ENOSF1: variants seen among roughly 807,000 people sequenced by gnomAD.
The protein encoded by ENOSF1 is mitochondrial enolase superfamily member 1.
In ENOSF1, 73 loss-of-function variants were observed where a neutral mutation model predicts 68.2. That is an observed-to-expected ratio of 1.07 (90% CI 0.89 to 1.30). The LOEUF is 1.30. Ranked by LOEUF, ENOSF1 falls within the 50% of genes most tolerant of loss-of-function variation. The pLI, the probability that ENOSF1 is intolerant of heterozygous loss-of-function variation, is 0.00. For missense variants in ENOSF1, 589 were observed against 554.5 expected, an observed-to-expected ratio of 1.06 and a Z score of -0.62; for synonymous variants, 223 against 210.4, an observed-to-expected ratio of 1.06 and a Z score of -0.52.
chr18:690,207 G>A (rs114051234), intron 8 of ENOSF1, among the ~76,000 whole-genome samples: 3,105 of 152,178 alleles, frequency 0.02, 148 homozygotes, highest in African/African-American at 0.072. Context: ...AACTCAAAGC[G>A]GGGTTTGTGG....
chr18:677,189 T>C (rs976190890), intron 14 of ENOSF1, among the ~76,000 whole-genome samples, 156 bp downstream of exon 14: 2 of 152,156 alleles, frequency 1.3e-5, no homozygotes, highest in Admixed American at 6.5e-5. Context: ...CATTGGTGGG[T>C]CTCTGTGAAA....
intron 11 of ENOSF1, among the ~76,000 whole-genome samples, chr18:679,165 T>C (rs2075821749): frequency 6.6e-6 from 1 of 151,950 alleles, no homozygotes; most frequent in African/African-American, 2.4e-5. Flanking sequence ...AATTCCCTTC[T>C]TCTTGCCTCC....
downstream of ENOSF1, among the ~76,000 whole-genome samples, chr18:667,547 T>C (rs868287199): frequency 7.0e-4 from 31 of 44,202 alleles, 9 homozygotes; most frequent in African/African-American, 5.9e-3. Flanking sequence ...ATGGTGATGG[T>C]GATGGAGATG....
intron 5 of ENOSF1, chr18:692,890 GCA>G (rs2077346330): frequency 1.8e-6 from 2 of 1,112,860 alleles, no homozygotes; most frequent in Non-Finnish European, 2.2e-6. Flanking sequence ...CGGAGGAGGA[GCA>G]GTCTCCTGCC....
At chr18:669,430 C>T (rs539202289), downstream of ENOSF1, 8 of 328,314 alleles carry the variant, frequency 2.4e-5, no homozygotes, top group African/African-American at 4.7e-5. Flanking sequence ...TGGAATGCAA[C>T]GGCGTGATCT....
chr18:687,986 G>A (rs922859622), intron 9 of ENOSF1: 1 of 153,316 alleles, frequency 6.5e-6, no homozygotes, highest in Admixed American at 6.5e-5. Flanking sequence ...GATCAACATA[G>A]CGAAACCCTG....
At chr18:685,207 T>C (rs951003770) in intron 10 of ENOSF1, among the ~76,000 whole-genome samples, 2 of 152,026 alleles carry the variant, frequency 1.3e-5, no homozygotes, top group African/African-American at 4.8e-5. Context: ...GGTTTTTCCA[T>C]GTTGCCAGGC....
intron 10 of ENOSF1, among the ~76,000 whole-genome samples, chr18:684,686 T>TC (rs1243661718): frequency 3.8e-4 from 58 of 152,288 alleles, no homozygotes; most frequent in Non-Finnish European, 2.9e-5. Context: ...GCCCTGGCTC[T>TC]CTGTGTACCA....
chr18:692,774 A>G lies in ENOSF1; in HGVS notation c.423+1108T>C. 3.0e-6 allele frequency: 3 copies of G among 1,000,098 alleles called. No individual in the cohort carries two copies. The South Asian group carries it at 1.3e-4, about 43-fold the overall frequency. 62.0% of individuals were successfully genotyped at this position (1,000,098 alleles called of 1,614,324 possible). On this transcript the variant is annotated intron_variant, in intron 5 of 15. Coordinates refer to ENST00000647584, the MANE Select transcript of ENOSF1 (RefSeq NM_017512.7). ...CCATCCCCGTAAAACGCCAACCTTGAATCTAGAAGGGGGCTCAAGAGCTCT... is the reference window on the plus strand; with the variant it reads ...CCATCCCCGTAAAACGCCAACCTTGGATCTAGAAGGGGGCTCAAGAGCTCT...
chr18:693,159 C>A, intron 5 of ENOSF1: 2 of 1,289,144 alleles, frequency 1.6e-6, no homozygotes, highest in Non-Finnish European at 1.0e-6. Context: ...TCCTCCTCAG[C>A]ATCCAGTTGT....
At chr18:691,335 G>GTTT in intron 5 of ENOSF1, 59 bp from the exon 6 acceptor site, 1 of 1,432,102 alleles carries the variant, frequency 7.0e-7, no homozygotes, top group Non-Finnish European at 9.6e-7. Context: ...GTTATATTTT[G>GTTT]TTTTTTAAAA....
intron 11 of ENOSF1, among the ~76,000 whole-genome samples, chr18:679,645 C>T (rs1424385648): frequency 6.6e-6 from 1 of 152,100 alleles, no homozygotes; most frequent in African/African-American, 2.4e-5. Context: ...CATTGCTCAC[C>T]TGGTAGAGTC....
intron 2 of ENOSF1, among the ~76,000 whole-genome samples, chr18:702,264 C>CAAAAAAA (rs71174275): frequency 6.1e-5 from 4 of 65,774 alleles, no homozygotes; most frequent in Admixed American, 2.2e-4. Flanking sequence ...AACTACATCT[C>CAAAAAAA]AAAAAAAAAA....
rs12962403 is a variant in ENOSF1, at chr18:672,035, C to T, written c.*2270G>A. The stretch of plus-strand genomic sequence containing the variant: ...CTTCAAGTGATCCACCTGCCTCAGC[C>T]TCCGAAAATTCTGGAATTACAGGCA... On this transcript the variant is annotated 3_prime_UTR_variant, in exon 16 of 16. Transcript: ENST00000647584. 19,110 of 152,338 alleles carry T rather than the reference C, an allele frequency of 0.13. 1,278 individuals are homozygous for T. Among genetic ancestry groups the T allele is most frequent in the Non-Finnish European group, 0.15 (10,080 of 68,118 alleles). The allele number at this position is 152,338 out of a possible 1,614,324, so 9.4% of individuals were successfully genotyped here.
At chr18:693,189 G>T in intron 5 of ENOSF1, 1 of 1,289,116 alleles carries the variant, frequency 7.8e-7, no homozygotes, top group Non-Finnish European at 1.0e-6. Context: ...CTATGAAAAG[G>T]TCAAGGAGAA....
At chr18:711,656 G>A (rs1216078774) in intron 1 of ENOSF1, among the ~76,000 whole-genome samples, 2 of 152,154 alleles carry the variant, frequency 1.3e-5, no homozygotes, top group African/African-American at 4.8e-5. Context: ...GCAGGGGAGG[G>A]AAGGCCTGAC....
chr18:676,876 A>C (rs1420598267), intron 14 of ENOSF1, among the ~76,000 whole-genome samples: 1 of 152,228 alleles, frequency 6.6e-6, no homozygotes, highest in Non-Finnish European at 1.5e-5. Flanking sequence ...TGAGACATTT[A>C]ATTCCAGGAG....
intron 15 of ENOSF1, among the ~76,000 whole-genome samples, chr18:675,114 C>T (rs977957910): frequency 6.6e-6 from 1 of 152,242 alleles, no homozygotes; most frequent in Non-Finnish European, 1.5e-5. Context: ...GCTAGTATTA[C>T]AGAAGCCTTG....
At chr18:693,984 C>T in intron 4 of ENOSF1, 76 bp from the exon 5 acceptor site, 1 of 1,472,154 alleles carries the variant, frequency 6.8e-7, no homozygotes, top group Non-Finnish European at 9.1e-7. Context: ...AACGCGTTGG[C>T]AGCTCTAATG....
Sources: allele counts gnomAD v4.1 joint callset (sites outside exome capture counted in the v4.1 genomes callset), GRCh38; gene constraint gnomAD v4.1.1; transcripts MANE v1.5; gene names NCBI Gene and HGNC (gene_info 2026-07-23, HGNC 2026-07-21).